Variants in NFIA observed in about 807,000 individuals in gnomAD.
NFIA encodes nuclear factor I A.
In NFIA, 8 loss-of-function variants were observed where a neutral mutation model predicts 62.8. The ratio of observed to expected loss-of-function variants is 0.13; its 90% CI spans 0.07 to 0.23. NFIA has a LOEUF of 0.23. NFIA is among the 10% of genes least tolerant of loss of function. NFIA has a pLI of 1.00. For synonymous variants in NFIA, 235 were observed against 238.1 expected (o/e 0.99, Z 0.12); for missense variants, 410 against 642.1 (o/e 0.64, Z 3.91).
At chr1:61,078,557 G>A (rs1187674359), upstream of NFIA, among the ~76,000 whole-genome samples, 1 of 152,244 alleles carries the variant, frequency 6.6e-6, no homozygotes. Flanking sequence ...AGAAGCTTTG[G>A]CATTTCAAGT....
chr1:61,391,911 A>C (rs1261425995), intron 7 of NFIA, among the ~76,000 whole-genome samples: 1 of 152,252 alleles, frequency 6.6e-6, no homozygotes, highest in Non-Finnish European at 1.5e-5. Context: ...ATGAGAAGCA[A>C]TTAGGTACCT....
chr1:61,341,224 C>T (rs535452986), intron 4 of NFIA, among the ~76,000 whole-genome samples: 5 of 151,938 alleles, frequency 3.3e-5, no homozygotes, highest in East Asian at 1.9e-4. Flanking sequence ...CCACCGCGCC[C>T]GGCTAATTTT....
At chr1:61,381,677 A>C (rs1035741070) in intron 6 of NFIA, among the ~76,000 whole-genome samples, 2 of 152,192 alleles carry the variant, frequency 1.3e-5, no homozygotes, top group African/African-American at 4.8e-5. Flanking sequence ...TCATGAAGCT[A>C]CAGATAAAGC....
At chr1:61,305,536 A>C (rs1315540828) in intron 3 of NFIA, among the ~76,000 whole-genome samples, 1 of 152,194 alleles carries the variant, frequency 6.6e-6, no homozygotes, top group Non-Finnish European at 1.5e-5. Context: ...AGACTTATGA[A>C]ATCTGATACC....
At chr1:61,204,632 A>G (rs1415994089) in intron 2 of NFIA, among the ~76,000 whole-genome samples, 1 of 152,070 alleles carries the variant, frequency 6.6e-6, no homozygotes, top group East Asian at 1.9e-4. Context: ...AGCTGTGGGT[A>G]TTTGTATTAT....
At chr1:61,444,169 T>C (rs1290266007) in intron 10 of NFIA, among the ~76,000 whole-genome samples, 16 of 152,206 alleles carry the variant, frequency 1.1e-4, no homozygotes, top group Admixed American at 9.2e-4. Flanking sequence ...TGAAACTCAT[T>C]GCACAGAAAT....
chr1:61,308,847 C>G (rs555508034), intron 3 of NFIA, among the ~76,000 whole-genome samples: 1 of 152,122 alleles, frequency 6.6e-6, no homozygotes, highest in East Asian at 1.9e-4. Flanking sequence ...TTCAGAAGCC[C>G]TGGTGGTGAT....
chr1:61,137,819 A>G (rs911056782), intron 2 of NFIA, among the ~76,000 whole-genome samples: 1 of 152,268 alleles, frequency 6.6e-6, no homozygotes, highest in Admixed American at 6.5e-5. Context: ...GTTTGGAAGA[A>G]GAAATATGGA....
At chr1:61,420,436 A>G (rs1666562394) in intron 9 of NFIA, among the ~76,000 whole-genome samples, 1 of 151,768 alleles carries the variant, frequency 6.6e-6, no homozygotes, top group South Asian at 2.1e-4. Context: ...TATTTCAATG[A>G]GGTATTTAGC....
At chr1:61,246,038 C>G (rs986444251) in intron 2 of NFIA, among the ~76,000 whole-genome samples, 3 of 152,152 alleles carry the variant, frequency 2.0e-5, no homozygotes, top group Admixed American at 6.6e-5. Flanking sequence ...ATAACTAAAT[C>G]CGGCACATAA....
chr1:61,198,036 A>G (rs1431198113), intron 2 of NFIA, among the ~76,000 whole-genome samples: 1 of 152,160 alleles, frequency 6.6e-6, no homozygotes, highest in African/African-American at 2.4e-5. Context: ...GAACAGACAT[A>G]GATAGTCTAT....
chr1:61,318,075 A>G (rs1467042785), intron 3 of NFIA, among the ~76,000 whole-genome samples: 1 of 152,164 alleles, frequency 6.6e-6, no homozygotes. Context: ...AGATCCCTTT[A>G]CAAGAGAAAA....
intron 2 of NFIA, among the ~76,000 whole-genome samples, chr1:61,267,605 C>A (rs966288867): frequency 6.6e-5 from 10 of 152,220 alleles, no homozygotes; most frequent in African/African-American, 2.4e-4. Context: ...TCTGCCTAAA[C>A]CTCTCTTTAT....
intron 10 of NFIA, among the ~76,000 whole-genome samples, chr1:61,437,849 TTCTGTTTGGTGTA>T (rs55698024): frequency 0.42 from 63,628 of 151,868 alleles, 14,307 homozygotes; most frequent in South Asian, 0.59. Flanking sequence ...AAGAACCCTA[TTCTGTTTGGTGTA>T]TCTGTCAGTT....
At position 61,319,790 on chromosome 1, in the gene NFIA, AACACACACACACAC is replaced by A. The variant is rs58845526; in HGVS notation, c.626-12689_626-12676del. On this transcript the variant is annotated intron_variant, in intron 3 of 10. Coordinates refer to ENST00000403491, the MANE Select transcript of NFIA (RefSeq NM_001134673.4). ...CAATGATTTCTTCCTGGAAGAATTA[AACACACACACACAC>A]ACACACACACACACACACACACACA... Among the ~76,000 whole-genome samples, 191 of 139,610 alleles carry A rather than the reference AACACACACACACAC, an allele frequency of 1.4e-3. 2 individuals are homozygous for A. The highest frequency in any genetic ancestry group is 3.5e-3 in the Middle Eastern group (1 of 282). The allele number at this position is 139,610 out of a possible 152,430, so 91.6% of individuals were successfully genotyped here.
At chr1:61,178,569 C>G (rs1172169517) in intron 2 of NFIA, among the ~76,000 whole-genome samples, 1 of 152,184 alleles carries the variant, frequency 6.6e-6, no homozygotes, top group African/African-American at 2.4e-5. Context: ...AGGATTCAAT[C>G]CGTGTATCTC....
At chr1:61,391,020 A>C (rs1477375955) in intron 7 of NFIA, among the ~76,000 whole-genome samples, 2 of 151,296 alleles carry the variant, frequency 1.3e-5, no homozygotes, top group Non-Finnish European at 2.9e-5. Context: ...TTAAGTGCTC[A>C]GTATATATTT....
intron 2 of NFIA, among the ~76,000 whole-genome samples, chr1:61,164,377 C>T (rs1649423570): frequency 6.6e-6 from 1 of 152,062 alleles, no homozygotes; most frequent in African/African-American, 2.4e-5. Context: ...ATTTACTGGC[C>T]AAAACTGGGT....
chr1:61,443,428 C>T (rs914694890), intron 10 of NFIA, among the ~76,000 whole-genome samples: 4 of 152,130 alleles, frequency 2.6e-5, no homozygotes, highest in African/African-American at 9.7e-5. Context: ...GTCCATCCAC[C>T]CCCAGCCATG....
Sources: gnomAD v4.1 joint callset for allele counts (sites outside exome capture counted in the v4.1 genomes callset) on GRCh38, gnomAD v4.1.1 for gene constraint, MANE v1.5 for transcripts, NCBI Gene and HGNC (gene_info 2026-07-23, HGNC 2026-07-21) for gene names.